ATR: variants seen among roughly 807,000 people sequenced by gnomAD.
ATR encodes the protein ATR checkpoint kinase, also known as serine/threonine-protein kinase ATR.
A neutral mutation model predicts 305.3 loss-of-function variants in ATR; 142 were observed. That is an observed-to-expected ratio of 0.47 (90% CI 0.41 to 0.53). The LOEUF is 0.53. Among genes scored for constraint, ATR ranks in the 20% least tolerant of loss-of-function variants. The probability of loss-of-function intolerance (pLI) is 0.00; values close to 1 mark genes in which losing one functional copy is unlikely to be tolerated. For synonymous variants in ATR, 1,050 were observed against 1,068.1 expected, an observed-to-expected ratio of 0.98 and a Z score of 0.33; for missense variants, 2,135 against 3,133.1, an observed-to-expected ratio of 0.68 and a Z score of 7.60.
At position 142,559,417 on chromosome 3, in the gene ATR, A is replaced by G. The variant is rs756945349; in HGVS notation, c.1566T>C (p.His522=). The G allele has an allele frequency of 8.7e-6, 14 of 1,613,758 alleles. No homozygotes were observed. Among genetic ancestry groups the G allele is most frequent in the Non-Finnish European group, 1.2e-5 (14 of 1,179,882 alleles). ...MNCRTFKDCQ[H]KSKKKPSVVI... Reference sequence around the variant, plus strand: ...CTACAGAAGGTTTCTTCTTGGATTTATGTTGACAGTCCTTGAAAGTACGGC... The same window carrying G: ...CTACAGAAGGTTTCTTCTTGGATTTGTGTTGACAGTCCTTGAAAGTACGGC... The change falls in exon 7 of 47, where the codon CAT becomes CAC. Residue 522 remains histidine (H), a synonymous_variant. Transcript: ENST00000350721.
At chr3:142,515,797 T>C (rs2032835742) in intron 24 of ATR, among the ~76,000 whole-genome samples, 1 of 152,164 alleles carries the variant, frequency 6.6e-6, no homozygotes, top group Non-Finnish European at 1.5e-5. Context: ...CACCCAGGTA[T>C]ACTACCATTT....
chr3:142,519,741 C>G lies in ATR; in HGVS notation c.4310G>C (p.Gly1437Ala). ...IYDCREMETN[G>A]PGHQLWRRFP... is the part of the protein sequence containing the mutation. ...TCTCCTCCACAATTGGTGACCTGGG[C>G]CGTTGGTCTCCATCTCTCTACAGTC... The change falls in exon 24 of 47, where the codon GGC (glycine) becomes GCC (alanine). Residue 1437 changes from glycine (G) to alanine (A), a missense_variant. By Grantham distance (60) the Gly-to-Ala change is moderately conservative. Coordinates refer to ENST00000350721, the MANE Select transcript of ATR (RefSeq NM_001184.4). 6.2e-7 allele frequency: 1 copy of G among 1,614,034 alleles called. No individual in the cohort carries two copies.
chr3:142,453,789 A>G (rs1469636594), intron 45 of ATR, among the ~76,000 whole-genome samples: 1 of 152,212 alleles, frequency 6.6e-6, no homozygotes, highest in Non-Finnish European at 1.5e-5. Flanking sequence ...TCTAGGAATC[A>G]TCCTCACCCC....
At chr3:142,499,481 A>G in intron 31 of ATR, 146 bp downstream of exon 31, 1 of 674,882 alleles carries the variant, frequency 1.5e-6, no homozygotes, top group South Asian at 1.5e-5. Context: ...TTTTTAGTAG[A>G]GACGGGGTTT....
At position 142,524,011 on chromosome 3, in the gene ATR, T is replaced by A. The variant is rs776692300; in HGVS notation, c.4134A>T (p.Gly1378=). Residue 1378 remains glycine, a synonymous_variant, in exon 22 of 47, where the codon GGA becomes GGT. Coordinates refer to ENST00000350721, the MANE Select transcript of ATR (RefSeq NM_001184.4). ...TACTTACCACAAATGTAAAATCTTT[T>A]CCTTGAGTTTCAGTTGTTGAGAAAT... is the stretch of plus-strand genomic sequence containing the variant. The part of the protein sequence containing the change: ...RLDFSTTETQ[G]KDFTFVTGVE... 1 of 1,613,982 alleles carries A rather than the reference T, an allele frequency of 6.2e-7. No homozygotes were observed. Among genetic ancestry groups the A allele is most frequent in the Non-Finnish European group, 8.5e-7 (1 of 1,179,974 alleles).
chr3:142,452,747 T>C, intron 46 of ATR: 1 of 1,071,110 alleles, frequency 9.3e-7, no homozygotes, highest in African/African-American at 1.7e-5. Context: ...TTCAACTAAG[T>C]AAGAAGTGAA....
chr3:142,505,747 G>C (rs549254894), intron 28 of ATR, among the ~76,000 whole-genome samples: 1 of 152,222 alleles, frequency 6.6e-6, no homozygotes, highest in African/African-American at 2.4e-5. Context: ...TCAAGCTAAA[G>C]ATAAAAATTT....
At chr3:142,520,533 T>C (rs1198527409) in intron 23 of ATR, among the ~76,000 whole-genome samples, 1 of 152,188 alleles carries the variant, frequency 6.6e-6, no homozygotes, top group African/African-American at 2.4e-5. Flanking sequence ...AACAGTCTTA[T>C]TTCTGATATA....
At chr3:142,455,576 GA>G (rs1413575848) in intron 45 of ATR, among the ~76,000 whole-genome samples, 1 of 152,100 alleles carries the variant, frequency 6.6e-6, no homozygotes, top group Non-Finnish European at 1.5e-5. Flanking sequence ...TAGATCAACA[GA>G]ATATTGCTGA....
intron 20 of ATR, among the ~76,000 whole-genome samples, chr3:142,535,769 C>T (rs2033833460): frequency 6.6e-6 from 1 of 152,094 alleles, no homozygotes; most frequent in South Asian, 2.1e-4. Flanking sequence ...TAGAATCATC[C>T]CACAGCTTTC....
intron 36 of ATR, among the ~76,000 whole-genome samples, chr3:142,476,397 T>G (rs1176031418): frequency 1.3e-5 from 2 of 152,186 alleles, no homozygotes; most frequent in Non-Finnish European, 2.9e-5. Context: ...GAAGATCAGA[T>G]AGTTGTAGAT....
intron 21 of ATR, among the ~76,000 whole-genome samples, chr3:142,530,851 C>G (rs1211350993): frequency 6.6e-6 from 1 of 152,156 alleles, no homozygotes; most frequent in Non-Finnish European, 1.5e-5. Flanking sequence ...TCCCTGTAGC[C>G]AGTAGTCTGA....
At chr3:142,553,605 T>C (rs2034557633) in intron 12 of ATR, 35 bp downstream of exon 12, 1 of 1,557,408 alleles carries the variant, frequency 6.4e-7, no homozygotes, top group Non-Finnish European at 8.8e-7. Flanking sequence ...ATGGCCAAAA[T>C]AAATAAGGAA....
At chr3:142,536,414 G>A (rs2033862884) in intron 19 of ATR, among the ~76,000 whole-genome samples, 2 of 152,282 alleles carry the variant, frequency 1.3e-5, no homozygotes, top group South Asian at 4.1e-4. Context: ...CTATAATAGT[G>A]CTACAATAAA....
At chr3:142,566,052 T>C in intron 3 of ATR, 69 bp downstream of exon 3, 2 of 1,595,318 alleles carry the variant, frequency 1.3e-6, no homozygotes, top group African/African-American at 2.7e-5. Flanking sequence ...ATGTAATATT[T>C]CAGAAGAGCA....
At chr3:142,520,442 C>T (rs1326193422) in intron 23 of ATR, among the ~76,000 whole-genome samples, 1 of 151,852 alleles carries the variant, frequency 6.6e-6, no homozygotes, top group Non-Finnish European at 1.5e-5. Flanking sequence ...CACCTAACAG[C>T]CAAGTATAAA....
intron 36 of ATR, among the ~76,000 whole-genome samples, chr3:142,482,548 T>G (rs1185564020): frequency 6.6e-6 from 1 of 152,122 alleles, no homozygotes; most frequent in Non-Finnish European, 1.5e-5. Context: ...TCAAAAGAAC[T>G]GGGCCAAGAG....
rs143107474 is a variant in ATR at position 142,461,899 on chromosome 3, T to C, written c.7192+41A>G. The C allele has an allele frequency of 7.6e-6, 12 of 1,584,006 alleles. No individual in the cohort carries two copies. The African/African-American group carries it at 1.2e-4, about 16-fold the overall frequency. On this transcript the variant is annotated intron_variant, in intron 42 of 46. Transcript: ENST00000350721. The stretch of plus-strand genomic sequence containing the variant: ...CCAATTATACCCATATTATATAACT[T>C]AGTACCCACACTGTATATGTATAAG...
chr3:142,555,933 A>G lies in ATR; in HGVS notation c.2285T>C (p.Val762Ala), dbSNP rs2108470577. 1 of 1,613,146 alleles carries G rather than the reference A, an allele frequency of 6.2e-7. No homozygotes were observed. The highest frequency in any genetic ancestry group is 1.1e-5 in the South Asian group (1 of 90,690). ...CAGTAGGAAAAGGAATGGCTTGCAG[A>G]CAGAAGCTTTTAGTTGAGAAGATGA... ...ECSSSQLKAS[V>A]CKPFLFLLKK... The change falls in exon 10 of 47, where the codon GTC (valine) becomes GCC (alanine). Residue 762 changes from valine (V) to alanine (A), a missense_variant. Coordinates refer to ENST00000350721, the MANE Select transcript of ATR (RefSeq NM_001184.4).
Sources: gnomAD v4.1 joint callset for allele counts (sites outside exome capture counted in the v4.1 genomes callset) on GRCh38, gnomAD v4.1.1 for gene constraint, MANE v1.5 for transcripts, NCBI Gene and HGNC (gene_info 2026-07-23, HGNC 2026-07-21) for gene names.